INTS1: variants seen among roughly 807,000 people sequenced by gnomAD.
INTS1 encodes the protein integrator complex subunit 1.
Under a neutral mutation model 241.6 loss-of-function variants are expected in INTS1, and 137 were observed. The observed-to-expected ratio is 0.57, with a 90% CI of 0.49 to 0.65. The LOEUF is 0.65. Ranked by LOEUF, INTS1 falls within the 30% of genes least tolerant of loss-of-function variation. The probability of loss-of-function intolerance (pLI) is 0.00; values close to 1 mark genes in which losing one functional copy is unlikely to be tolerated. For synonymous variants in INTS1, 1,692 were observed against 1,337.8 expected, an observed-to-expected ratio of 1.26 and a Z score of -5.78; for missense variants, 3,073 against 3,032.2, an observed-to-expected ratio of 1.01 and a Z score of -0.32.
chr7:1,484,509 G>A (rs1451816820), intron 24 of INTS1, among the ~76,000 whole-genome samples: 1 of 152,224 alleles, frequency 6.6e-6, no homozygotes, highest in Non-Finnish European at 1.5e-5. Flanking sequence ...GCAGGTTGTG[G>A]ACAAGAGAAC....
rs1782354284 is a variant in INTS1, at chr7:1,487,952, T to C, written c.2324A>G (p.Tyr775Cys). 2.5e-6 allele frequency: 4 copies of C among 1,612,516 alleles called. No homozygotes were observed. Among genetic ancestry groups the C allele is most frequent in the Admixed American group, 3.3e-5 (2 of 59,964 alleles). ...CGTCAGGGTGCACGGTGGGTAGGAGTAGTTGCTAGGGCCAGACGGGGGAGC... is the reference window on the plus strand; with the variant it reads ...CGTCAGGGTGCACGGTGGGTAGGAGCAGTTGCTAGGGCCAGACGGGGGAGC... Reference protein sequence around the residue: ...MLMEMVMTNNYSYPPCTLTDE... With the variant: ...MLMEMVMTNNCSYPPCTLTDE... Residue 775 changes from tyrosine to cysteine, a missense_variant, in exon 19 of 48, where the codon TAC becomes TGC. Tyr to Cys is a radical substitution (Grantham distance 194). Coordinates refer to ENST00000404767, the MANE Select transcript of INTS1 (RefSeq NM_001080453.3).
intron 31 of INTS1, among the ~76,000 whole-genome samples, chr7:1,479,123 G>A (rs568633711): frequency 2.0e-4 from 31 of 152,348 alleles, no homozygotes; most frequent in Non-Finnish European, 3.8e-4. Context: ...GCGGTTCAAA[G>A]GAAAAAGTAA....
rs200088886 is a variant in INTS1 at position 1,498,389 on chromosome 7, A to G, written c.1425+23T>C. ...AGCCCCATATTCCGGCGTGGAGGGC[A>G]AGGCCAGGGACCCTGGGCCTACCTT... On this transcript the variant is annotated intron_variant, in intron 10 of 47. Coordinates refer to ENST00000404767, the MANE Select transcript of INTS1 (RefSeq NM_001080453.3). 78 of 1,612,740 alleles carry G rather than the reference A, an allele frequency of 4.8e-5. No homozygotes were observed. The African/African-American group carries it at 9.2e-4, about 19-fold the overall frequency.
chr7:1,499,944 G>T lies in INTS1; in HGVS notation c.624C>A (p.Ala208=). The change falls in exon 5 of 48, where the codon GCC becomes GCA. Residue 208 remains alanine (A), a synonymous_variant. Transcript: ENST00000404767. ...CGTAGGCGGCCATGAGGAGGTTACA[G>T]GCCAGCACAGACACCAGGCTGTTCC... is the stretch of plus-strand genomic sequence containing the variant. ...AKGNSLVSVL[A]CNLLMAAYEE... The T allele has an allele frequency of 6.2e-7, 1 of 1,613,728 alleles. No individual in the cohort carries two copies. Among genetic ancestry groups the T allele is most frequent in the Non-Finnish European group, 8.5e-7 (1 of 1,179,862 alleles).
chr7:1,490,274 C>T (rs1782482942), intron 16 of INTS1, among the ~76,000 whole-genome samples: 1 of 152,210 alleles, frequency 6.6e-6, no homozygotes, highest in Admixed American at 6.5e-5. Context: ...GACCAAAACT[C>T]CAAACGCTAC....
intron 33 of INTS1, 82 bp from the exon 34 acceptor site, chr7:1,478,018 G>A (rs1471229602): frequency 2.6e-6 from 3 of 1,156,296 alleles, no homozygotes; most frequent in African/African-American, 3.0e-5. Flanking sequence ...GCCAGGGTGG[G>A]GTGTGGGGTG....
At chr7:1,479,251 C>T (rs931639117) in intron 31 of INTS1, among the ~76,000 whole-genome samples, 179 bp downstream of exon 31, 14 of 152,246 alleles carry the variant, frequency 9.2e-5, no homozygotes, top group Admixed American at 3.3e-4. Flanking sequence ...CCTCCCGTCC[C>T]GGGGGAATGT....
Position 1,497,439 on chromosome 7 carries a change from T to C in INTS1, c.1426-125A>G, listed in dbSNP as rs3735662. The C allele has an allele frequency of 0.45, 438,013 of 972,148 alleles. 106,555 individuals are homozygous for C. The highest frequency in any genetic ancestry group is 0.77 in the African/African-American group (46,425 of 60,248). 60.2% of individuals were successfully genotyped at this position (972,148 alleles called of 1,614,324 possible). ...GCAGTGGGTCTCAGACAGTGTGGGG[T>C]GCGGGGTGGCGGGCTCCTTGCTCTA... On this transcript the variant is annotated intron_variant, in intron 10 of 47. Transcript: ENST00000404767. This position sits in a 1 kb window ranked among gnomAD's most constrained non-coding sequence, Gnocchi z 5.3.
Position 1,499,521 on chromosome 7 carries a change from C to T in INTS1, c.796G>A (p.Val266Met), listed in dbSNP as rs780546769. The change falls in exon 6 of 48, where the codon GTG (valine) becomes ATG (methionine). Residue 266 changes from valine (V) to methionine (M), a missense_variant. Val to Met is a conservative substitution (Grantham distance 21). Coordinates refer to ENST00000404767, the MANE Select transcript of INTS1 (RefSeq NM_001080453.3). Reference sequence around the variant, plus strand: ...CGGCCCGCCTCCCCCTGCAGCAGCACGCTCCTGGGGGGCATTCTGGTGTTG... The same window carrying T: ...CGGCCCGCCTCCCCCTGCAGCAGCATGCTCCTGGGGGGCATTCTGGTGTTG... ...AFNTRMPPRSVLLQGEAGRVA... is the reference protein window; with the variant it reads ...AFNTRMPPRSMLLQGEAGRVA... The T allele has an allele frequency of 3.7e-6, 6 of 1,612,118 alleles. No homozygotes were observed. Among genetic ancestry groups the T allele is most frequent in the East Asian group, 2.2e-5 (1 of 44,828 alleles).
rs778597016 is a variant in INTS1 at position 1,484,053 on chromosome 7, A to G, written c.3379T>C (p.Tyr1127His). ...LSALLSIFSR[Y>H]VRRMRQSKEG... is the part of the protein sequence containing the mutation. ...TTGCTCTGCCGCATGCGCCTCACGT[A>G]GCGTGAGAAGATGGACAACAGAGCG... Residue 1127 changes from tyrosine to histidine, a missense_variant, in exon 25 of 48, where the codon TAC (tyrosine) becomes CAC (histidine). Transcript: ENST00000404767. 16 of 1,612,176 alleles carry G rather than the reference A, an allele frequency of 9.9e-6. No individual in the cohort carries two copies. The highest frequency in any genetic ancestry group is 1.4e-5 in the Non-Finnish European group (16 of 1,179,686).
chr7:1,480,533 G>A lies in INTS1; in HGVS notation c.3950-92C>T, dbSNP rs548736953. On this transcript the variant is annotated intron_variant, in intron 29 of 47. Coordinates refer to ENST00000404767, the MANE Select transcript of INTS1 (RefSeq NM_001080453.3). ...ACAAGCCATGGCGAGTCCTGCCCGGGGACTGTCACCCAGGAGGAAGAGCTC... is the reference window on the plus strand; with the variant it reads ...ACAAGCCATGGCGAGTCCTGCCCGGAGACTGTCACCCAGGAGGAAGAGCTC... The A allele has an allele frequency of 2.4e-4, 332 of 1,408,434 alleles. 4 individuals are homozygous for A. The South Asian group carries it at 3.9e-3, about 17-fold the overall frequency. 87.2% of individuals were successfully genotyped at this position (1,408,434 alleles called of 1,614,324 possible). A position where few individuals can be genotyped will look rare whatever the true frequency, so the allele number is the denominator to read the frequency against.
intron 12 of INTS1, 69 bp downstream of exon 12, chr7:1,496,087 G>GAGCCGCC (rs759195880): frequency 1.1e-5 from 14 of 1,264,988 alleles, no homozygotes; most frequent in Non-Finnish European, 1.5e-5. Flanking sequence ...CAGCCTCGGA[G>GAGCCGCC]AGCCGCCAGC....
intron 38 of INTS1, 62 bp from the exon 39 acceptor site, chr7:1,476,133 C>G (rs191320495): frequency 6.6e-7 from 1 of 1,524,252 alleles, no homozygotes; most frequent in Non-Finnish European, 8.8e-7. Context: ...GGTGGGTGGA[C>G]GGGACCAGGC....
At chr7:1,477,036 G>T (rs971355237) in intron 35 of INTS1, 118 bp from the exon 36 acceptor site, 3 of 1,269,158 alleles carry the variant, frequency 2.4e-6, no homozygotes, top group African/African-American at 1.5e-5. Flanking sequence ...GGGTGCTGCC[G>T]GTAACACCGG....
At position 1,481,043 on chromosome 7, in the gene INTS1, C is replaced by A; in HGVS notation, c.3851-110G>T. On this transcript the variant is annotated intron_variant, in intron 28 of 47. Transcript: ENST00000404767. This position sits in a 1 kb window ranked among gnomAD's most constrained non-coding sequence, Gnocchi z 6.8. ...GATGCCCCCACCGTCACCAGCACTT[C>A]CCAAGGACTTCAGAAGCTGGGTGAG... 1.2e-6 allele frequency: 1 copy of A among 808,272 alleles called. No homozygotes were observed. The highest frequency in any genetic ancestry group is 2.7e-5 in the East Asian group (1 of 37,642). The allele number at this position is 808,272 out of a possible 1,614,324, so 50.1% of individuals were successfully genotyped here.
intron 10 of INTS1, 80 bp downstream of exon 10, chr7:1,498,332 C>G: frequency 2.6e-6 from 4 of 1,560,688 alleles, no homozygotes; most frequent in Non-Finnish European, 3.5e-6. Context: ...ATCCACCGGC[C>G]TCCCCAGACG....
intron 44 of INTS1, chr7:1,471,893 C>G: frequency 1.7e-6 from 1 of 585,658 alleles, no homozygotes; most frequent in South Asian, 2.1e-5. Flanking sequence ...GTGCTCTTAG[C>G]ACCAAGTGTC....
chr7:1,477,920 G>A lies in INTS1; in HGVS notation c.4647C>T (p.Ile1549=), dbSNP rs777754949. 6.2e-6 allele frequency: 10 copies of A among 1,612,416 alleles called. No homozygotes were observed. The highest frequency in any genetic ancestry group is 3.3e-5 in the South Asian group (3 of 91,080). Residue 1549 remains isoleucine, a synonymous_variant, in exon 34 of 48, where the codon ATC becomes ATT. Transcript: ENST00000404767. The part of the protein sequence containing the change: ...DLISKVLQGL[I]EVRSPHLEEL... ...CCTCCAGGTGGGGGGACCTCACCTC[G>A]ATCAGCCCCTGGAGGACTGCGCAAG...
intron 22 of INTS1, 82 bp from the exon 23 acceptor site, chr7:1,485,551 T>C (rs1437533926): frequency 1.4e-6 from 2 of 1,431,986 alleles, no homozygotes; most frequent in East Asian, 2.5e-5. Context: ...ACACGCATGG[T>C]GCCCTCAGAG....
Sources: gnomAD v4.1 joint callset for allele counts (sites outside exome capture counted in the v4.1 genomes callset) on GRCh38, gnomAD v4.1.1 for gene constraint, Gnocchi (gnomAD v3.1) non-coding constraint, MANE v1.5 for transcripts, NCBI Gene and HGNC (gene_info 2026-07-23, HGNC 2026-07-21) for gene names.